DAB2IP: variants seen among roughly 807,000 people sequenced by gnomAD.
DAB2IP encodes disabled homolog 2-interacting protein.
DAB2IP carries 28 observed loss-of-function variants against 107.2 expected under a neutral mutation model. The ratio of observed to expected loss-of-function variants is 0.26; its 90% CI spans 0.19 to 0.36. The LOEUF (loss-of-function observed/expected upper bound fraction) is 0.36, where lower values mean the gene tolerates loss of function less well. Among genes scored for constraint, DAB2IP ranks in the 10% least tolerant of loss-of-function variants. The pLI is 1.00. For missense variants in DAB2IP, 1,400 were observed against 1,644.7 expected (o/e 0.85, Z 2.57); for synonymous variants, 755 against 706.4 (o/e 1.07, Z -1.09).
At chr9:121,724,554 A>G (rs1831122756) in intron 3 of DAB2IP, among the ~76,000 whole-genome samples, 1 of 152,254 alleles carries the variant, frequency 6.6e-6, no homozygotes, top group Non-Finnish European at 1.5e-5. Context: ...TGTACGCCAC[A>G]TGCAAGTAGA....
chr9:121,713,486 ACT>A (rs1830435599), intron 3 of DAB2IP, among the ~76,000 whole-genome samples: 1 of 151,582 alleles, frequency 6.6e-6, no homozygotes, highest in African/African-American at 2.4e-5. Flanking sequence ...ACCATTCCCG[ACT>A]CTCACCCTTT....
chr9:121,699,984 A>G lies in DAB2IP; in HGVS notation c.362+526A>G, dbSNP rs939616543. Among the ~76,000 whole-genome samples, 5 of 152,142 alleles carry G rather than the reference A, an allele frequency of 3.3e-5. No homozygotes were observed. Among genetic ancestry groups the G allele is most frequent in the Admixed American group, 1.3e-4 (2 of 15,286 alleles). On this transcript the variant is annotated intron_variant, in intron 3 of 15. Coordinates refer to ENST00000408936, the Ensembl canonical transcript of DAB2IP. This position sits in a 1 kb window ranked among gnomAD's most constrained non-coding sequence, Gnocchi z 6.2. ...GCCACTTAGGGGGCACATCTGCTCTAAGTAGGGCGCGTGCTCCACTGGGGG... is the reference window on the plus strand; with the variant it reads ...GCCACTTAGGGGGCACATCTGCTCTGAGTAGGGCGCGTGCTCCACTGGGGG...
At chr9:121,642,147 C>T (rs1371264334) in intron 1 of DAB2IP, among the ~76,000 whole-genome samples, 3 of 150,202 alleles carry the variant, frequency 2.0e-5, no homozygotes, top group African/African-American at 7.4e-5. Context: ...GTGACACGAT[C>T]ATAGCTCACT....
At chr9:121,610,626 G>T (rs929647138) in intron 1 of DAB2IP, among the ~76,000 whole-genome samples, 7 of 152,178 alleles carry the variant, frequency 4.6e-5, no homozygotes, top group Non-Finnish European at 1.5e-5. Context: ...GAGAAACCAG[G>T]TGTAATTCAG....
intron 1 of DAB2IP, among the ~76,000 whole-genome samples, chr9:121,581,397 T>C (rs1243328551): frequency 1.3e-5 from 2 of 152,210 alleles, no homozygotes; most frequent in Admixed American, 6.5e-5. Context: ...AGGGCAGCTC[T>C]GACTATCTTC....
intron 1 of DAB2IP, among the ~76,000 whole-genome samples, chr9:121,571,227 T>C (rs1829934140): frequency 3.9e-5 from 6 of 152,158 alleles, no homozygotes; most frequent in Admixed American, 3.9e-4. Flanking sequence ...CGTGTTCATA[T>C]GTGCACTACA....
chr9:121,722,479 T>A (rs1264113688), intron 3 of DAB2IP, among the ~76,000 whole-genome samples: 1 of 152,136 alleles, frequency 6.6e-6, no homozygotes, highest in Non-Finnish European at 1.5e-5. Flanking sequence ...GAGTTTCTTC[T>A]AAATGATCAC....
chr9:121,773,560 T>C (rs773494325), intron 12 of DAB2IP, 65 bp downstream of exon 12: 86 of 1,367,702 alleles, frequency 6.3e-5, no homozygotes, highest in Non-Finnish European at 7.8e-5. Flanking sequence ...TCATACCCCA[T>C]ACCATGCTCC....
chr9:121,720,589 C>T (rs1830871453), intron 3 of DAB2IP, among the ~76,000 whole-genome samples: 2 of 152,290 alleles, frequency 1.3e-5, no homozygotes, highest in South Asian at 4.1e-4. Context: ...GAACCAGCCC[C>T]AGCCACTGCC....
intron 2 of DAB2IP, among the ~76,000 whole-genome samples, chr9:121,681,795 G>A (rs1223738539): frequency 6.6e-6 from 1 of 152,140 alleles, no homozygotes; most frequent in East Asian, 1.9e-4. Flanking sequence ...TGGGGATCTG[G>A]GTTCAAATCC....
chr9:121,609,192 G>C (rs542621653), intron 1 of DAB2IP, among the ~76,000 whole-genome samples: 8 of 152,114 alleles, frequency 5.3e-5, no homozygotes, highest in African/African-American at 1.9e-4. Flanking sequence ...TGCTCCGTCC[G>C]CCTCGAACTC....
chr9:121,768,542 A>G (rs1834466665), exon 10 of DAB2IP: 1 of 1,614,184 alleles, frequency 6.2e-7, no homozygotes, highest in South Asian at 1.1e-5. Context: ...ACCCTCTCCA[A>G]TACAGCCGGC....
chr9:121,623,181 G>A (rs1034813217), intron 1 of DAB2IP, among the ~76,000 whole-genome samples: 10 of 152,160 alleles, frequency 6.6e-5, no homozygotes, highest in Non-Finnish European at 1.5e-4. Flanking sequence ...CGGGGTCCTC[G>A]CTGTGACACG....
At chr9:121,613,976 A>G (rs1831179106) in intron 1 of DAB2IP, among the ~76,000 whole-genome samples, 1 of 152,060 alleles carries the variant, frequency 6.6e-6, no homozygotes, top group African/African-American at 2.4e-5. Context: ...TAGGGTGGAG[A>G]AGCAGATTGG....
At chr9:121,641,204 T>C (rs1832275595) in intron 1 of DAB2IP, among the ~76,000 whole-genome samples, 1 of 152,168 alleles carries the variant, frequency 6.6e-6, no homozygotes, top group African/African-American at 2.4e-5. Flanking sequence ...GTTTTCCTGG[T>C]AGAATTTCCA....
chr9:121,771,268 G>C (rs1435751303), intron 11 of DAB2IP, among the ~76,000 whole-genome samples: 1 of 152,194 alleles, frequency 6.6e-6, no homozygotes, highest in Non-Finnish European at 1.5e-5. Flanking sequence ...CGGCAGAGTG[G>C]AAGGCAAAAT....
chr9:121,644,414 T>C (rs556503015), intron 1 of DAB2IP, among the ~76,000 whole-genome samples: 2 of 151,886 alleles, frequency 1.3e-5, no homozygotes, highest in East Asian at 2.0e-4. Flanking sequence ...CTGGCCAACA[T>C]GGCGAAACCC....
chr9:121,711,241 G>T (rs973141316), intron 3 of DAB2IP, among the ~76,000 whole-genome samples: 1 of 152,198 alleles, frequency 6.6e-6, no homozygotes, highest in South Asian at 2.1e-4. Flanking sequence ...GGGCGTTTGC[G>T]ATGAGAGAAT....
At chr9:121,603,138 G>T (rs1371560262) in intron 1 of DAB2IP, among the ~76,000 whole-genome samples, 2 of 152,226 alleles carry the variant, frequency 1.3e-5, no homozygotes, top group African/African-American at 2.4e-5. Flanking sequence ...AAGGTGCTGG[G>T]CCTGCATCTC....
Sources: allele counts gnomAD v4.1 joint callset (sites outside exome capture counted in the v4.1 genomes callset), GRCh38; gene constraint gnomAD v4.1.1; non-coding constraint Gnocchi (gnomAD v3.1); transcripts MANE v1.5; gene names NCBI Gene and HGNC (gene_info 2026-07-23, HGNC 2026-07-21).